The following DGCR8 variants were observed in gnomAD, a reference collection of about 807,000 sequenced individuals.
DGCR8 encodes the protein DGCR8 microprocessor complex subunit.
DGCR8 carries 14 observed loss-of-function variants against 78.5 expected under a neutral mutation model. That is an observed-to-expected ratio of 0.18 (90% confidence interval 0.12 to 0.28). The LOEUF (loss-of-function observed/expected upper bound fraction) is 0.28, where lower values mean the gene tolerates loss of function less well. Among genes scored for constraint, DGCR8 ranks in the 10% least tolerant of loss-of-function variants. The pLI, the probability that DGCR8 is intolerant of heterozygous loss-of-function variation, is 1.00. For synonymous variants in DGCR8, 399 were observed against 402.4 expected (o/e 0.99, Z 0.10); for missense variants, 702 against 1,022.5 (o/e 0.69, Z 4.28).
At chr22:20,090,772 A>G (rs2049547314) in intron 5 of DGCR8, among the ~76,000 whole-genome samples, 1 of 152,146 alleles carries the variant, frequency 6.6e-6, no homozygotes, top group African/African-American at 2.4e-5. Flanking sequence ...CCGCCATTTA[A>G]GTCTTAGTTC....
intron 12 of DGCR8, 30 bp from the exon 13 acceptor site, chr22:20,108,860 G>C: frequency 8.3e-7 from 1 of 1,198,712 alleles, no homozygotes; most frequent in South Asian, 1.2e-5. Context: ...ACAGCCTGCA[G>C]TCCTGAGCGT....
chr22:20,095,106 A>G (rs993868287), intron 9 of DGCR8, among the ~76,000 whole-genome samples: 3 of 152,030 alleles, frequency 2.0e-5, no homozygotes, highest in African/African-American at 7.2e-5. Flanking sequence ...AGTCTACAAG[A>G]TTTAGATTGT....
rs548636661 is a variant in DGCR8 at position 20,110,776 on chromosome 22, C to G, written c.*668C>G. 1 of 169,840 alleles carries G rather than the reference C, an allele frequency of 5.9e-6. No homozygotes were observed. Among genetic ancestry groups the G allele is most frequent in the Non-Finnish European group, 1.2e-5 (1 of 80,220 alleles). 10.5% of individuals were successfully genotyped at this position (169,840 alleles called of 1,614,324 possible). ...ACACGATGCCAGCAAGGATGACGTC[C>G]TGCCACCTCCTGGAGTTACCCTGGC... is the stretch of plus-strand genomic sequence containing the variant. On this transcript the variant is annotated 3_prime_UTR_variant, in exon 14 of 14. Transcript: ENST00000351989.
chr22:20,087,132 G>A lies in DGCR8; in HGVS notation c.721-30G>A. 6.3e-7 allele frequency: 1 copy of A among 1,586,140 alleles called. No homozygotes were observed. Among genetic ancestry groups the A allele is most frequent in the South Asian group, 1.1e-5 (1 of 87,776 alleles). The stretch of plus-strand genomic sequence containing the variant: ...TGTTGCAGGAGCATGAGCGCCAGGG[G>A]CTCTGGTGTCTGAACAGCGTGTTTT... On this transcript the variant is annotated intron_variant, in intron 2 of 13. Coordinates refer to ENST00000351989, the MANE Select transcript of DGCR8 (RefSeq NM_022720.7). This position sits in a 1 kb window ranked among gnomAD's most constrained non-coding sequence, Gnocchi z 4.1.
chr22:20,102,531 C>T lies in DGCR8; in HGVS notation c.1789-3646C>T, dbSNP rs544990294. ...GTCGTCCAGGTCTGTGTGTGATGGG[C>T]GGATTCGTTTCCTTCAGGTAAACCC... On this transcript the variant is annotated intron_variant, in intron 9 of 13. Transcript: ENST00000351989. Among the ~76,000 whole-genome samples the T allele has an allele frequency of 2.0e-5, 3 of 152,244 alleles. No individual in the cohort carries two copies. The East Asian group carries it at 5.8e-4, about 29-fold the overall frequency.
At chr22:20,093,340 G>A (rs1370069178) in intron 8 of DGCR8, among the ~76,000 whole-genome samples, 2 of 152,024 alleles carry the variant, frequency 1.3e-5, no homozygotes, top group African/African-American at 4.8e-5. Flanking sequence ...GCGAGGCAGA[G>A]CTTGCAGTGA....
intron 9 of DGCR8, 29 bp from the exon 10 acceptor site, chr22:20,106,148 G>C: frequency 6.3e-7 from 1 of 1,598,040 alleles, no homozygotes; most frequent in South Asian, 1.1e-5. Context: ...GCCTGGTGGG[G>C]ACTCACAAGC....
intron 9 of DGCR8, among the ~76,000 whole-genome samples, chr22:20,102,611 C>T (rs887018731): frequency 1.3e-5 from 2 of 152,130 alleles, no homozygotes; most frequent in Admixed American, 6.6e-5. Context: ...TAGCATTGCC[C>T]TCACACCTTT....
chr22:20,111,756 C>A lies in DGCR8; in HGVS notation c.*1648C>A, dbSNP rs563208220. 4.0e-6 allele frequency: 1 copy of A among 249,406 alleles called. No homozygotes were observed. Among genetic ancestry groups the A allele is most frequent in the African/African-American group, 2.4e-5 (1 of 42,212 alleles). The allele number at this position is 249,406 out of a possible 1,614,324, so 15.4% of individuals were successfully genotyped here. On this transcript the variant is annotated 3_prime_UTR_variant, in exon 14 of 14. Transcript: ENST00000351989. ...GCCAAGCATGGGTATGAATCGTGCA[C>A]ACAGCCATGCTTCAAGGCCGGGGCA...
chr22:20,086,292 CT>C lies in DGCR8; in HGVS notation c.330del (p.Asp111ThrfsTer8). On this transcript the variant is annotated frameshift_variant, in exon 2 of 14. Transcript: ENST00000351989. LOFTEE classifies it high-confidence loss of function. The surrounding 1 kb of genome is among the most constrained non-coding windows in gnomAD (Gnocchi z 6.4). The part of the protein sequence containing the change: ...RHAPAVRKFS[P>X]DLKLLKDVKI... ...GCACCTGCGGTCCGGAAGTTCTCCC[CT>C]GACCTTAAGTTGCTTAAGGATGTAA... 1 of 1,614,198 alleles carries C rather than the reference CT, an allele frequency of 6.2e-7. No individual in the cohort carries two copies. The highest frequency in any genetic ancestry group is 8.5e-7 in the Non-Finnish European group (1 of 1,180,038).
intron 3 of DGCR8, among the ~76,000 whole-genome samples, chr22:20,088,918 G>T (rs1337895195): frequency 6.6e-6 from 1 of 152,094 alleles, no homozygotes; most frequent in Non-Finnish European, 1.5e-5. Context: ...AAGTAGCCAG[G>T]ACTATAGGTG....
intron 10 of DGCR8, 39 bp downstream of exon 10, chr22:20,106,316 G>A (rs2049769459): frequency 1.3e-6 from 2 of 1,523,638 alleles, no homozygotes; most frequent in Middle Eastern, 2.1e-4. Context: ...AGTCAGGTCG[G>A]GGGAGCTCCT....
At chr22:20,098,113 G>A (rs1279390364) in intron 9 of DGCR8, among the ~76,000 whole-genome samples, 12 of 144,956 alleles carry the variant, frequency 8.3e-5, no homozygotes, top group African/African-American at 1.5e-4. Context: ...GTGACAGAGC[G>A]AGACTCCTGT....
Position 20,089,501 on chromosome 22 carries a change from T to TGAC in DGCR8, c.881-168_881-167insGAC, listed in dbSNP as rs368256342. ...ACCTCAGGCCACATGCTATCTGTCC[T>TGAC]AGGCCTGGAGGCATAGCAGTGAGCA... On this transcript the variant is annotated intron_variant, in intron 3 of 13. Coordinates refer to ENST00000351989, the MANE Select transcript of DGCR8 (RefSeq NM_022720.7). This position sits in a 1 kb window ranked among gnomAD's most constrained non-coding sequence, Gnocchi z 4.9. Among the ~76,000 whole-genome samples the TGAC allele has an allele frequency of 6.1e-4, 93 of 152,360 alleles. No individual in the cohort carries two copies. The highest frequency in any genetic ancestry group is 3.4e-3 in the Middle Eastern group (1 of 294).
chr22:20,081,726 G>A (rs1380550175), intron 1 of DGCR8, among the ~76,000 whole-genome samples: 1 of 152,102 alleles, frequency 6.6e-6, no homozygotes, highest in African/African-American at 2.4e-5. Context: ...TGGTGTTTCT[G>A]GCCACCTCTT....
At chr22:20,109,780 T>C (rs2049813184) in intron 13 of DGCR8, among the ~76,000 whole-genome samples, 2 of 152,220 alleles carry the variant, frequency 1.3e-5, no homozygotes, top group South Asian at 2.1e-4. Flanking sequence ...TCTTGGTACA[T>C]GTCCTGATTG....
At chr22:20,100,376 T>G (rs2049683157) in intron 9 of DGCR8, 1 of 985,262 alleles carries the variant, frequency 1.0e-6, no homozygotes, top group Non-Finnish European at 1.2e-6. Context: ...CATTTGATTT[T>G]ATTTCTGAGT....
chr22:20,098,192 T>G (rs1334489797), intron 9 of DGCR8, among the ~76,000 whole-genome samples: 1 of 151,514 alleles, frequency 6.6e-6, no homozygotes, highest in Non-Finnish European at 1.5e-5. Flanking sequence ...GGTTTCACCA[T>G]ATTGCTCAGG....
chr22:20,102,165 A>G (rs1289393362), intron 9 of DGCR8: 2 of 701,280 alleles, frequency 2.9e-6, no homozygotes, highest in East Asian at 1.3e-4. Context: ...ACAAATACAC[A>G]GTCATGTAAC....
Sources: gnomAD v4.1 joint callset for allele counts (sites outside exome capture counted in the v4.1 genomes callset) on GRCh38, gnomAD v4.1.1 for gene constraint, Gnocchi (gnomAD v3.1) non-coding constraint, MANE v1.5 for transcripts, NCBI Gene and HGNC (gene_info 2026-07-23, HGNC 2026-07-21) for gene names.